Variants in NACC1 observed in about 807,000 individuals in gnomAD.
NACC1 encodes the protein nucleus accumbens-associated protein 1.
Under a neutral mutation model 41.7 loss-of-function variants are expected in NACC1, and 6 were observed. The ratio of observed to expected loss-of-function variants is 0.14; its 90% CI spans 0.08 to 0.28. The LOEUF (loss-of-function observed/expected upper bound fraction) is 0.28. NACC1 is among the 10% of genes least tolerant of loss of function. NACC1 has a pLI of 1.00. For missense variants in NACC1, 434 were observed against 763.7 expected (o/e 0.57, Z 5.09); for synonymous variants, 338 against 330.6 (o/e 1.02, Z -0.24).
chr19:13,126,851 G>A lies in NACC1; in HGVS notation c.-8-8349G>A, dbSNP rs375398370. ...ACGAAGGACTGTGAGCACCCACTGT[G>A]TACCTGGCCAGGTCCTAGGGGTAGA... On this transcript the variant is annotated intron_variant, in intron 1 of 5. Coordinates refer to ENST00000292431, the MANE Select transcript of NACC1 (RefSeq NM_052876.4). Among the ~76,000 whole-genome samples the A allele has an allele frequency of 5.7e-4, 87 of 152,188 alleles. 2 individuals are homozygous for A. In the South Asian group the frequency reaches 0.018, roughly 31 times the overall value.
intron 1 of NACC1, among the ~76,000 whole-genome samples, chr19:13,132,960 C>G (rs925376045): frequency 3.3e-5 from 5 of 152,148 alleles, no homozygotes; most frequent in Non-Finnish European, 7.4e-5. Flanking sequence ...TGAACACTTG[C>G]CGTTTCTATT....
rs1234047237 is a variant in NACC1 at position 13,138,498 on chromosome 19, C to T, written c.*92C>T. On this transcript the variant is annotated 3_prime_UTR_variant, in exon 6 of 6. Coordinates refer to ENST00000292431, the MANE Select transcript of NACC1 (RefSeq NM_052876.4). The surrounding 1 kb of genome is among the most constrained non-coding windows in gnomAD (Gnocchi z 5.7). The stretch of plus-strand genomic sequence containing the variant: ...TCATGAGCTACTGTCTGTCCCTCCC[C>T]AGGACCCGCGGTGGGTGCTGCATGT... The T allele has an allele frequency of 3.9e-6, 6 of 1,531,166 alleles. No homozygotes were observed. The highest frequency in any genetic ancestry group is 5.3e-6 in the Non-Finnish European group (6 of 1,139,884). The allele number at this position is 1,531,166 out of a possible 1,614,324, so 94.8% of individuals were successfully genotyped here. A position where few individuals can be genotyped will look rare whatever the true frequency, so the allele number is the denominator to read the frequency against.
At chr19:13,128,986 A>T (rs1461701778) in intron 1 of NACC1, among the ~76,000 whole-genome samples, 1 of 152,186 alleles carries the variant, frequency 6.6e-6, no homozygotes, top group Non-Finnish European at 1.5e-5. Flanking sequence ...GATGATTCTC[A>T]TATGGTTTTC....
chr19:13,137,227 G>C lies in NACC1; in HGVS notation c.1121-44G>C, dbSNP rs768635406. 6 of 1,584,330 alleles carry C rather than the reference G, an allele frequency of 3.8e-6. No homozygotes were observed. Among genetic ancestry groups the C allele is most frequent in the Non-Finnish European group, 5.2e-6 (6 of 1,154,908 alleles). On this transcript the variant is annotated intron_variant, in intron 3 of 5. Coordinates refer to ENST00000292431, the MANE Select transcript of NACC1 (RefSeq NM_052876.4). The surrounding 1 kb of genome is among the most constrained non-coding windows in gnomAD (Gnocchi z 6.1). Reference sequence around the variant, plus strand: ...GGCCTGGTATCATGGGGGCTGTGGCGGTTTGGGGGCACCCCAGGCCATCCT... The same window carrying C: ...GGCCTGGTATCATGGGGGCTGTGGCCGTTTGGGGGCACCCCAGGCCATCCT...
In NACC1 at chr19:13,130,464, G is replaced by C. The variant is rs535098218; in HGVS notation, c.-8-4736G>C. Among the ~76,000 whole-genome samples, 385 of 151,802 alleles carry C rather than the reference G, an allele frequency of 2.5e-3. 2 individuals are homozygous for C. Among genetic ancestry groups the C allele is most frequent in the African/African-American group, 8.9e-3 (369 of 41,382 alleles). On this transcript the variant is annotated intron_variant, in intron 1 of 5. Coordinates refer to ENST00000292431, the MANE Select transcript of NACC1 (RefSeq NM_052876.4). ...AACTAATCTTGAATAAAACCAGCCA[G>C]AATGTTTGCCTTCATTGAGCTGACA...
intron 1 of NACC1, among the ~76,000 whole-genome samples, chr19:13,119,474 A>G (rs1425739654): frequency 6.6e-6 from 1 of 152,078 alleles, no homozygotes; most frequent in African/African-American, 2.4e-5. Context: ...GAGGCAGCCC[A>G]GCAGACGTTA....
Position 13,127,400 on chromosome 19 carries a change from T to TTTTTTTTTTTTTTTTTTTTTTC in NACC1, c.-8-7800_-8-7799insTTTTTTTTTTTTTTTTTTTTTC, listed in dbSNP as rs1245933408. On this transcript the variant is annotated intron_variant, in intron 1 of 5. Transcript: ENST00000292431. ...TTTTTTTTTTTTTTTTTTTTTTTTT[T>TTTTTTTTTTTTTTTTTTTTTTC]CGGTTAACTGGATGGGCCGGGTGCC... Among the ~76,000 whole-genome samples the TTTTTTTTTTTTTTTTTTTTTTC allele has an allele frequency of 7.9e-5, 8 of 100,828 alleles. 1 individual carries two copies. The highest frequency in any genetic ancestry group is 3.1e-4 in the African/African-American group (8 of 25,550). 66.1% of individuals were successfully genotyped at this position (100,828 alleles called of 152,430 possible).
intron 1 of NACC1, among the ~76,000 whole-genome samples, chr19:13,119,176 G>A (rs900652366): frequency 1.3e-5 from 2 of 150,886 alleles, no homozygotes; most frequent in African/African-American, 2.4e-5. Flanking sequence ...GGCTAGGGGG[G>A]ATGTGGGGGC....
chr19:13,128,926 C>T (rs2019597512), intron 1 of NACC1, among the ~76,000 whole-genome samples: 1 of 152,202 alleles, frequency 6.6e-6, no homozygotes, highest in African/African-American at 2.4e-5. Context: ...GGCCTCCTGC[C>T]CTTGTCCCCC....
rs200105986 is a variant in NACC1, at chr19:13,137,408, G to A, written c.1226+32G>A. ...CCCTTGCCAGAGCCCCAGGGAGGGGGGTGGGGTTTCCCCATGTCCCCCCCA... is the reference window on the plus strand; with the variant it reads ...CCCTTGCCAGAGCCCCAGGGAGGGGAGTGGGGTTTCCCCATGTCCCCCCCA... On this transcript the variant is annotated intron_variant, in intron 4 of 5. Coordinates refer to ENST00000292431, the MANE Select transcript of NACC1 (RefSeq NM_052876.4). The surrounding 1 kb of genome is among the most constrained non-coding windows in gnomAD (Gnocchi z 6.1). 5 of 1,564,166 alleles carry A rather than the reference G, an allele frequency of 3.2e-6. No individual in the cohort carries two copies. In the South Asian group the frequency reaches 4.4e-5, roughly 14 times the overall value.
Position 13,135,654 on chromosome 19 carries a change from G to A in NACC1, c.447G>A (p.Gln149=). The A allele has an allele frequency of 3.8e-6, 6 of 1,561,354 alleles. No individual in the cohort carries two copies. The highest frequency in any genetic ancestry group is 5.2e-6 in the Non-Finnish European group (6 of 1,157,234). Residue 149 remains glutamine (Q), a synonymous_variant, in exon 2 of 6, where the codon CAG becomes CAA. Coordinates refer to ENST00000292431, the MANE Select transcript of NACC1 (RefSeq NM_052876.4). ...PSSEPQSPVA[Q]TSGWPACSTP... is the part of the protein sequence containing the mutation. ...CGGAGCCCCAGAGCCCCGTGGCGCA[G>A]ACATCGGGCTGGCCAGCCTGTAGCA...
chr19:13,126,087 A>G (rs1196953876), intron 1 of NACC1, among the ~76,000 whole-genome samples: 1 of 149,532 alleles, frequency 6.7e-6, no homozygotes, highest in Non-Finnish European at 1.5e-5. Flanking sequence ...CTCTGTCACC[A>G]GGCTGGAGTG....
Position 13,135,385 on chromosome 19 carries a change from A to G in NACC1, c.178A>G (p.Asn60Asp). ...ASSSYFRDLFNNSRSAVVELP... is the reference protein window; with the variant it reads ...ASSSYFRDLFDNSRSAVVELP... ...CAGCTCCTACTTCCGGGACCTGTTC[A>G]ACAACAGCCGCAGCGCCGTGGTGGA... Residue 60 changes from asparagine (N) to aspartate (D), a missense_variant, in exon 2 of 6, where the codon AAC becomes GAC. By Grantham distance (23) the Asn-to-Asp change is conservative. Transcript: ENST00000292431. The G allele has an allele frequency of 6.2e-7, 1 of 1,613,616 alleles. No homozygotes were observed. The highest frequency in any genetic ancestry group is 8.5e-7 in the Non-Finnish European group (1 of 1,180,024).
In NACC1 at chr19:13,137,409, G is replaced by T. The variant is rs1276507700; in HGVS notation, c.1226+33G>T. On this transcript the variant is annotated intron_variant, in intron 4 of 5. Transcript: ENST00000292431. The surrounding 1 kb of genome is among the most constrained non-coding windows in gnomAD (Gnocchi z 6.1). ...CCTTGCCAGAGCCCCAGGGAGGGGG[G>T]TGGGGTTTCCCCATGTCCCCCCCAC... is the stretch of plus-strand genomic sequence containing the variant. 3 of 1,430,738 alleles carry T rather than the reference G, an allele frequency of 2.1e-6. No individual in the cohort carries two copies. Among genetic ancestry groups the T allele is most frequent in the East Asian group, 2.3e-5 (1 of 43,322 alleles). 88.6% of individuals were successfully genotyped at this position (1,430,738 alleles called of 1,614,324 possible).
rs1292034137 is a variant in NACC1 at position 13,137,484 on chromosome 19, G to A, written c.1233G>A (p.Thr411=). The change falls in exon 5 of 6, where the codon ACG becomes ACA. Residue 411 remains threonine, a synonymous_variant. Transcript: ENST00000292431. The surrounding 1 kb of genome is among the most constrained non-coding windows in gnomAD (Gnocchi z 6.1). ...CCATGTCCCCTGCCCCCAGGAACAC[G>A]CTGGCCAACAGCTGCGGCACCGGCA... The part of the protein sequence containing the change: ...RLLASFFDRN[T]LANSCGTGIR... 15 of 1,605,084 alleles carry A rather than the reference G, an allele frequency of 9.3e-6. No individual in the cohort carries two copies. The highest frequency in any genetic ancestry group is 3.3e-4 in the Middle Eastern group (2 of 6,066).
At chr19:13,128,431 T>C (rs73507400) in intron 1 of NACC1, among the ~76,000 whole-genome samples, 5,664 of 152,304 alleles carry the variant, frequency 0.037, 363 homozygotes, top group African/African-American at 0.13. Context: ...ATGACCTCAA[T>C]TAACCTTAAT....
intron 1 of NACC1, among the ~76,000 whole-genome samples, chr19:13,129,729 A>G (rs1173257662): frequency 6.6e-6 from 1 of 152,066 alleles, no homozygotes; most frequent in African/African-American, 2.4e-5. Flanking sequence ...TCTGAAGCTG[A>G]GGTTCACAAG....
intron 1 of NACC1, among the ~76,000 whole-genome samples, chr19:13,120,613 A>C (rs1320501656): frequency 6.6e-6 from 1 of 152,234 alleles, no homozygotes; most frequent in Non-Finnish European, 1.5e-5. Context: ...CTGGGCCAGC[A>C]GTCCCGCAAA....
At chr19:13,134,115 G>A (rs1480982938) in intron 1 of NACC1, among the ~76,000 whole-genome samples, 9 of 151,970 alleles carry the variant, frequency 5.9e-5, no homozygotes, top group Non-Finnish European at 2.9e-5. Flanking sequence ...GAGTATAGTG[G>A]CGCAATCACA....
Sources: allele counts gnomAD v4.1 joint callset (sites outside exome capture counted in the v4.1 genomes callset), GRCh38; gene constraint gnomAD v4.1.1; non-coding constraint Gnocchi (gnomAD v3.1); transcripts MANE v1.5; gene names NCBI Gene and HGNC (gene_info 2026-07-23, HGNC 2026-07-21).